CTNNA3: variants seen among roughly 807,000 people sequenced by gnomAD.
The protein encoded by CTNNA3 is catenin alpha 3.
In CTNNA3, 76 loss-of-function variants were observed where a neutral mutation model predicts 95.7. That is an observed-to-expected ratio of 0.79 (90% CI 0.66 to 0.96). CTNNA3 has a LOEUF of 0.96. Among genes scored for constraint, CTNNA3 ranks in the 40% least tolerant of loss-of-function variants. The pLI is 0.00. For missense variants in CTNNA3, 1,191 were observed against 1,089.8 expected (o/e 1.09, Z -1.31); for synonymous variants, 431 against 374.4 (o/e 1.15, Z -1.74).
intron 7 of CTNNA3, among the ~76,000 whole-genome samples, chr10:66,921,609 A>C (rs1263552286): frequency 2.0e-5 from 3 of 152,096 alleles, no homozygotes; most frequent in Non-Finnish European, 1.5e-5. Context: ...GCCACTCCCC[A>C]TATATACATT....
At chr10:66,443,158 G>T (rs1234144626) in intron 11 of CTNNA3, among the ~76,000 whole-genome samples, 2 of 152,194 alleles carry the variant, frequency 1.3e-5, no homozygotes, top group Non-Finnish European at 2.9e-5. Flanking sequence ...AAGCAGCGGG[G>T]AAGCTCGAAC....
chr10:66,580,509 T>C (rs964722537), intron 10 of CTNNA3, among the ~76,000 whole-genome samples: 3 of 151,806 alleles, frequency 2.0e-5, no homozygotes, highest in Non-Finnish European at 3.0e-5. Flanking sequence ...CATTCATTTT[T>C]ATGATGGCTA....
intron 5 of CTNNA3, among the ~76,000 whole-genome samples, chr10:67,472,023 C>T (rs1055603359): frequency 6.6e-6 from 1 of 152,138 alleles, no homozygotes; most frequent in African/African-American, 2.4e-5. Flanking sequence ...AAATTATAAC[C>T]TCACAATAAG....
chr10:67,616,061 G>A (rs970028942), intron 2 of CTNNA3, among the ~76,000 whole-genome samples: 4 of 152,174 alleles, frequency 2.6e-5, no homozygotes, highest in Non-Finnish European at 4.4e-5. Context: ...ATTAGGGAAA[G>A]CATCTCTGAT....
At chr10:67,362,997 C>T (rs1282981400) in intron 5 of CTNNA3, among the ~76,000 whole-genome samples, 1 of 151,844 alleles carries the variant, frequency 6.6e-6, no homozygotes, top group Admixed American at 6.6e-5. Context: ...AGAACACAAT[C>T]CTATTTATTA....
intron 7 of CTNNA3, chr10:67,099,907 AG>A (rs1182222577): frequency 6.6e-6 from 1 of 151,724 alleles, no homozygotes; most frequent in Non-Finnish European, 1.5e-5. Context: ...AAATTTATAA[AG>A]GGTTATAAAG....
chr10:66,685,325 GTATATATA>G (rs1564617459), intron 9 of CTNNA3, among the ~76,000 whole-genome samples: 5 of 30,006 alleles, frequency 1.7e-4, no homozygotes, highest in African/African-American at 7.2e-4. Context: ...GTGTATGTGT[GTATATATA>G]TATATATATA....
At chr10:67,242,660 T>C (rs1275974840) in intron 5 of CTNNA3, among the ~76,000 whole-genome samples, 4 of 152,196 alleles carry the variant, frequency 2.6e-5, no homozygotes, top group Non-Finnish European at 4.4e-5. Flanking sequence ...TCAGTCACCA[T>C]GCTGTGCATT....
intron 2 of CTNNA3, among the ~76,000 whole-genome samples, chr10:67,643,900 A>G (rs1589526501): frequency 2.0e-5 from 3 of 152,230 alleles, no homozygotes; most frequent in South Asian, 4.2e-4. Flanking sequence ...TCAATGGTGT[A>G]TATGTGCCAC....
Position 67,521,925 on chromosome 10 carries a change from T to G in CTNNA3, c.496A>C (p.Asn166His). 6.2e-7 allele frequency: 1 copy of G among 1,613,048 alleles called. No homozygotes were observed. Among genetic ancestry groups the G allele is most frequent in the Non-Finnish European group, 8.5e-7 (1 of 1,179,254 alleles). Residue 166 changes from asparagine to histidine, a missense_variant, in exon 5 of 18, where the codon AAC becomes CAC. Asn to His is a moderately conservative substitution (Grantham distance 68). Coordinates refer to ENST00000433211, the MANE Select transcript of CTNNA3 (RefSeq NM_013266.4). ...RTFESLKNVA[N>H]KSDLQKTYQK... ...TAGGTTTTCTGGAGGTCAGATTTGT[T>G]GGCAACATTTTTGAGAGACTCAAAT...
At chr10:66,462,317 A>G (rs2093535032) in intron 11 of CTNNA3, among the ~76,000 whole-genome samples, 1 of 152,130 alleles carries the variant, frequency 6.6e-6, no homozygotes, top group South Asian at 2.1e-4. Flanking sequence ...ACAATTCTTC[A>G]TAAGATTTAG....
chr10:67,753,243 T>C (rs907944916), intron 1 of CTNNA3, among the ~76,000 whole-genome samples: 1 of 152,142 alleles, frequency 6.6e-6, no homozygotes, highest in Non-Finnish European at 1.5e-5. Context: ...ATTTAATAAA[T>C]GGTGCTGGGA....
At position 66,068,053 on chromosome 10, in the gene CTNNA3, C is replaced by T. The variant is rs556468343; in HGVS notation, c.2159+1255G>A. ...TCATTTTACGCATATTCCCAAATTA[C>T]TATAAGGCTTATGTCATTAGATTTT... On this transcript the variant is annotated intron_variant, in intron 15 of 17. Transcript: ENST00000433211. Among the ~76,000 whole-genome samples the T allele has an allele frequency of 7.2e-5, 11 of 152,266 alleles. No individual in the cohort carries two copies. In the South Asian group the frequency reaches 1.9e-3, roughly 26 times the overall value.
chr10:67,368,711 G>T (rs1252381848), intron 5 of CTNNA3, among the ~76,000 whole-genome samples: 1 of 152,086 alleles, frequency 6.6e-6, no homozygotes, highest in Non-Finnish European at 1.5e-5. Context: ...ACAACATGAT[G>T]GATGAATCTC....
chr10:66,108,536 T>C (rs1454275110), intron 13 of CTNNA3, among the ~76,000 whole-genome samples: 2 of 152,190 alleles, frequency 1.3e-5, no homozygotes, highest in African/African-American at 2.4e-5. Context: ...TTATTTCTTA[T>C]ATTAGTGTAT....
chr10:67,467,129 T>A (rs1847625585), intron 5 of CTNNA3, among the ~76,000 whole-genome samples: 1 of 151,574 alleles, frequency 6.6e-6, no homozygotes, highest in African/African-American at 2.4e-5. Context: ...CAGAGTGAGA[T>A]CTCCTCTCAA....
At chr10:66,584,127 G>A (rs1382653790) in intron 10 of CTNNA3, among the ~76,000 whole-genome samples, 4 of 151,852 alleles carry the variant, frequency 2.6e-5, no homozygotes, top group Admixed American at 2.6e-4. Context: ...AATCTTCCAT[G>A]TGCTGATGAG....
chr10:67,365,222 A>C (rs937150072), intron 5 of CTNNA3, among the ~76,000 whole-genome samples: 2 of 152,216 alleles, frequency 1.3e-5, no homozygotes, highest in African/African-American at 4.8e-5. Context: ...ACAAAAAATA[A>C]CTCAAGATGG....
At chr10:67,291,233 G>A (rs138457790) in intron 5 of CTNNA3, among the ~76,000 whole-genome samples, 3 of 152,078 alleles carry the variant, frequency 2.0e-5, no homozygotes, top group Non-Finnish European at 4.4e-5. Flanking sequence ...TGCTTGGGAC[G>A]TGGTGAGCTC....
Sources: allele counts gnomAD v4.1 joint callset (sites outside exome capture counted in the v4.1 genomes callset), GRCh38; gene constraint gnomAD v4.1.1; transcripts MANE v1.5; gene names NCBI Gene and HGNC (gene_info 2026-07-23, HGNC 2026-07-21).